Variants in ZFYVE28 observed in about 807,000 individuals in gnomAD.
The protein encoded by ZFYVE28 is lateral signaling target protein 2 homolog.
In ZFYVE28, 40 loss-of-function variants were observed where a neutral mutation model predicts 82.1. The observed-to-expected ratio is 0.49, with a 90% CI of 0.38 to 0.63. The LOEUF (loss-of-function observed/expected upper bound fraction) is 0.63, where lower values mean the gene tolerates loss of function less well. Among genes scored for constraint, ZFYVE28 ranks in the 30% least tolerant of loss-of-function variants. ZFYVE28 has a pLI of 0.00. For missense variants in ZFYVE28, 1,321 were observed against 1,242.1 expected (o/e 1.06, Z -0.96); for synonymous variants, 612 against 546.1 (o/e 1.12, Z -1.68).
chr4:2,366,531 G>A (rs1331810938), intron 1 of ZFYVE28, among the ~76,000 whole-genome samples: 3 of 152,230 alleles, frequency 2.0e-5, no homozygotes, highest in Non-Finnish European at 4.4e-5. Flanking sequence ...CAGCTCGGAG[G>A]GGCAGGTGAA....
intron 1 of ZFYVE28, among the ~76,000 whole-genome samples, chr4:2,367,464 G>A (rs185732584): frequency 3.2e-4 from 49 of 152,338 alleles, no homozygotes; most frequent in African/African-American, 1.1e-3. Context: ...AACGCAGTCC[G>A]GTCAACTCCT....
chr4:2,331,788 C>T (rs1003979643), intron 6 of ZFYVE28, among the ~76,000 whole-genome samples: 1 of 152,150 alleles, frequency 6.6e-6, no homozygotes, highest in African/African-American at 2.4e-5. Context: ...TGGGGACACC[C>T]TAAACAGGGG....
At chr4:2,393,521 G>A (rs1176649661) in intron 1 of ZFYVE28, among the ~76,000 whole-genome samples, 1 of 152,166 alleles carries the variant, frequency 6.6e-6, no homozygotes, top group Non-Finnish European at 1.5e-5. Flanking sequence ...CCCCTCGGCC[G>A]CTTGCACACC....
At chr4:2,316,859 A>AT (rs1321848104) in intron 7 of ZFYVE28, among the ~76,000 whole-genome samples, 2 of 151,684 alleles carry the variant, frequency 1.3e-5, no homozygotes, top group Non-Finnish European at 2.9e-5. Context: ...TGCCTGGCTG[A>AT]TTTTTTATAT....
At chr4:2,379,819 T>C (rs997797499) in intron 1 of ZFYVE28, among the ~76,000 whole-genome samples, 2 of 152,118 alleles carry the variant, frequency 1.3e-5, no homozygotes, top group African/African-American at 4.8e-5. Flanking sequence ...ACAGAGTCTT[T>C]CTCTGTCACC....
At chr4:2,406,047 CAAAA>C (rs766149952) in intron 1 of ZFYVE28, among the ~76,000 whole-genome samples, 4 of 90,474 alleles carry the variant, frequency 4.4e-5, no homozygotes, top group Admixed American at 2.0e-4. Context: ...GATTCTGTCT[CAAAA>C]AAAAAAAAAA....
rs141908652 is a variant in ZFYVE28, at chr4:2,304,610, A to G, written c.1730T>C (p.Val577Ala). The G allele has an allele frequency of 8.1e-6, 13 of 1,612,338 alleles. No individual in the cohort carries two copies. Among genetic ancestry groups the G allele is most frequent in the Non-Finnish European group, 1.1e-5 (13 of 1,179,786 alleles). Residue 577 changes from valine (V) to alanine (A), a missense_variant, in exon 8 of 13, where the codon GTG becomes GCG. Val to Ala is a moderately conservative substitution (Grantham distance 64). Around this residue, in one of 2 missense-constraint regions of ZFYVE28, gnomAD observed 978 missense variants for 833.7 expected, o/e 1.17. Coordinates refer to ENST00000290974, the MANE Select transcript of ZFYVE28 (RefSeq NM_020972.3). ...CGSCGDSREDVVERLREKCSP... is the reference protein window; with the variant it reads ...CGSCGDSREDAVERLREKCSP... ...GCACTTCTCCCGCAGACGCTCCACC[A>G]CGTCCTCCCTGCTGTCCCCGCAGCT... is the stretch of plus-strand genomic sequence containing the variant.
intron 1 of ZFYVE28, among the ~76,000 whole-genome samples, chr4:2,383,735 G>A (rs1449993985): frequency 2.6e-5 from 4 of 152,178 alleles, no homozygotes; most frequent in South Asian, 4.1e-4. Flanking sequence ...GAGGAGGTAC[G>A]CTTCACATTG....
intron 8 of ZFYVE28, among the ~76,000 whole-genome samples, chr4:2,276,075 G>C (rs760517388): frequency 2.0e-5 from 3 of 152,244 alleles, no homozygotes; most frequent in African/African-American, 7.2e-5. Context: ...ACACAGCCTC[G>C]TGACGTAAAC....
intron 1 of ZFYVE28, among the ~76,000 whole-genome samples, chr4:2,411,084 C>G (rs1732472239): frequency 6.6e-6 from 1 of 152,182 alleles, no homozygotes; most frequent in African/African-American, 2.4e-5. Flanking sequence ...GCCCAGTCTC[C>G]CCAGGAAGCC....
At chr4:2,359,014 G>A (rs564410422) in intron 1 of ZFYVE28, among the ~76,000 whole-genome samples, 22 of 139,074 alleles carry the variant, frequency 1.6e-4, no homozygotes, top group Admixed American at 3.8e-4. Flanking sequence ...TCGCTCTGTC[G>A]CCCAGGCTGG....
In ZFYVE28 at chr4:2,320,119, T is replaced by C. The variant is rs1003253837; in HGVS notation, c.803+51A>G. 1.3e-6 allele frequency: 2 copies of C among 1,568,406 alleles called. No individual in the cohort carries two copies. The highest frequency in any genetic ancestry group is 1.4e-5 in the African/African-American group (1 of 73,570). On this transcript the variant is annotated intron_variant, in intron 7 of 12. Transcript: ENST00000290974. The surrounding 1 kb of genome is among the most constrained non-coding windows in gnomAD (Gnocchi z 5.1). ...TAAACATGACTTCAGCGCCCACCTG[T>C]GGCCCTCCTGTCCCCCTCCCCTCCC...
At chr4:2,367,125 C>T (rs1030932325) in intron 1 of ZFYVE28, among the ~76,000 whole-genome samples, 1 of 152,128 alleles carries the variant, frequency 6.6e-6, no homozygotes, top group Non-Finnish European at 1.5e-5. Flanking sequence ...CTGTCGCTGC[C>T]GAGGAGGAGA....
chr4:2,297,148 G>T (rs1014086109), intron 8 of ZFYVE28, among the ~76,000 whole-genome samples: 3 of 152,252 alleles, frequency 2.0e-5, no homozygotes, highest in Admixed American at 2.0e-4. Flanking sequence ...CCCACGCAGC[G>T]GCGCCTTCAC....
At chr4:2,345,106 AG>A (rs1220572166) in intron 2 of ZFYVE28, among the ~76,000 whole-genome samples, 1 of 152,096 alleles carries the variant, frequency 6.6e-6, no homozygotes, top group Non-Finnish European at 1.5e-5. Flanking sequence ...AGGCTGAGGC[AG>A]GAGAATGGCA....
chr4:2,349,193 G>A (rs1281789142), intron 2 of ZFYVE28, among the ~76,000 whole-genome samples: 2 of 152,078 alleles, frequency 1.3e-5, no homozygotes, highest in Admixed American at 1.3e-4. Flanking sequence ...TTGGCAGCTC[G>A]ACACAGTTTA....
intron 8 of ZFYVE28, among the ~76,000 whole-genome samples, chr4:2,279,550 T>C (rs374308079): frequency 7.6e-4 from 116 of 151,934 alleles, no homozygotes; most frequent in East Asian, 1.6e-3. Context: ...GAGGCCAAGG[T>C]GGGCGGATCA....
intron 8 of ZFYVE28, among the ~76,000 whole-genome samples, chr4:2,297,583 AAAC>A (rs1714792444): frequency 6.6e-6 from 1 of 152,270 alleles, no homozygotes; most frequent in Non-Finnish European, 1.5e-5. Context: ...TGAATCCAGG[AAAC>A]AATGAAATCC....
chr4:2,288,278 C>T (rs902291110), intron 8 of ZFYVE28, among the ~76,000 whole-genome samples: 1 of 152,216 alleles, frequency 6.6e-6, no homozygotes, highest in African/African-American at 2.4e-5. Flanking sequence ...CTAAGCCCCC[C>T]TGTGGCCCCA....
Sources: gnomAD v4.1 joint callset for allele counts (sites outside exome capture counted in the v4.1 genomes callset) on GRCh38, gnomAD v4.1.1 for gene constraint, gnomAD v4.1.1 regional missense constraint, Gnocchi (gnomAD v3.1) non-coding constraint, MANE v1.5 for transcripts, NCBI Gene and HGNC (gene_info 2026-07-23, HGNC 2026-07-21) for gene names.